The following TEKT1 variants were observed in gnomAD, a reference collection of about 807,000 sequenced individuals.
TEKT1 encodes the protein tektin 1, also known as tektin-1.
A neutral mutation model predicts 34.8 loss-of-function variants in TEKT1; 32 were observed. The observed-to-expected ratio is 0.92, with a 90% CI of 0.69 to 1.23. The LOEUF (loss-of-function observed/expected upper bound fraction) is 1.23, where lower values mean the gene tolerates loss of function less well. Among genes scored for constraint, TEKT1 ranks in the 50% most tolerant of loss-of-function variants. The pLI is 0.00. For synonymous variants in TEKT1, 207 were observed against 199.8 expected (o/e 1.04, Z -0.30); for missense variants, 492 against 518.5 (o/e 0.95, Z 0.50).
rs1304207167 is a variant in TEKT1 at position 6,820,168 on chromosome 17, T to C, written c.191-810A>G. 4.6e-5 allele frequency among the ~76,000 whole-genome samples: 7 copies of C among 152,322 alleles called. No homozygotes were observed. In the East Asian group the frequency reaches 1.3e-3, roughly 29 times the overall value. ...AAACAATAAATAAGTAAACTTACTA[T>C]TTATTTACATTTTGTAAATATATAA... On this transcript the variant is annotated intron_variant, in intron 2 of 7. Coordinates refer to ENST00000338694, the MANE Select transcript of TEKT1 (RefSeq NM_053285.2).
At chr17:6,804,897 A>G (rs1001448815) in intron 6 of TEKT1, among the ~76,000 whole-genome samples, 1 of 152,192 alleles carries the variant, frequency 6.6e-6, no homozygotes, top group Non-Finnish European at 1.5e-5. Flanking sequence ...ATCAATGTTC[A>G]TCAGGGATAT....
intron 2 of TEKT1, among the ~76,000 whole-genome samples, chr17:6,826,414 A>T (rs1008835277): frequency 6.6e-5 from 10 of 152,062 alleles, no homozygotes; most frequent in African/African-American, 2.4e-4. Context: ...CAGCCTTTTG[A>T]TGAGGTATTT....
intron 2 of TEKT1, among the ~76,000 whole-genome samples, chr17:6,822,018 G>A (rs146447740): frequency 6.3e-4 from 96 of 151,858 alleles, no homozygotes; most frequent in Middle Eastern, 3.4e-3. Flanking sequence ...TAATTGCCAA[G>A]ACAATGGGGA....
chr17:6,805,146 G>T (rs895133999), intron 6 of TEKT1, among the ~76,000 whole-genome samples: 1 of 152,164 alleles, frequency 6.6e-6, no homozygotes, highest in African/African-American at 2.4e-5. Flanking sequence ...TTCAGAGCCT[G>T]TTATTGGTCT....
chr17:6,826,637 TAGATA>T (rs1324002859), intron 2 of TEKT1, among the ~76,000 whole-genome samples: 3 of 151,392 alleles, frequency 2.0e-5, no homozygotes, highest in African/African-American at 7.3e-5. Flanking sequence ...GATAGATAGA[TAGATA>T]GATAGATAGA....
chr17:6,809,817 A>G (rs1976902307), intron 6 of TEKT1, among the ~76,000 whole-genome samples: 1 of 152,294 alleles, frequency 6.6e-6, no homozygotes, highest in African/African-American at 2.4e-5. Flanking sequence ...ATGTCTTTTC[A>G]TGGCTTGATA....
At chr17:6,821,500 A>G (rs1009637874) in intron 2 of TEKT1, among the ~76,000 whole-genome samples, 2 of 152,208 alleles carry the variant, frequency 1.3e-5, no homozygotes. Flanking sequence ...TTTCCTTTAT[A>G]AATTATCCAG....
rs1567676001 is a variant in TEKT1 at position 6,800,956 on chromosome 17, A to C, written c.853-13T>G. Reference sequence around the variant, plus strand: ...TCTCTTCCATGACCTTACAAAAAGGATTAGAGTAGGTGAGGCCAAGCTGTG... The same window carrying C: ...TCTCTTCCATGACCTTACAAAAAGGCTTAGAGTAGGTGAGGCCAAGCTGTG... On this transcript the variant is annotated splice_polypyrimidine_tract_variant and intron_variant, in intron 6 of 7. Coordinates refer to ENST00000338694, the MANE Select transcript of TEKT1 (RefSeq NM_053285.2). 1 of 1,607,736 alleles carries C rather than the reference A, an allele frequency of 6.2e-7. No individual in the cohort carries two copies. Among genetic ancestry groups the C allele is most frequent in the Non-Finnish European group, 8.5e-7 (1 of 1,176,352 alleles).
At chr17:6,801,800 T>C (rs1480212491) in intron 6 of TEKT1, among the ~76,000 whole-genome samples, 1 of 152,224 alleles carries the variant, frequency 6.6e-6, no homozygotes, top group Non-Finnish European at 1.5e-5. Context: ...TATTTCTTCA[T>C]TAAGCATTTT....
At chr17:6,800,964 A>G (rs1252598573) in intron 6 of TEKT1, 21 bp from the exon 7 acceptor site, 1 of 1,599,598 alleles carries the variant, frequency 6.3e-7, no homozygotes, top group East Asian at 2.2e-5. Context: ...GGATTAGAGT[A>G]GGTGAGGCCA....
At chr17:6,820,889 C>A (rs9904960) in intron 2 of TEKT1, among the ~76,000 whole-genome samples, 9,354 of 152,208 alleles carry the variant, frequency 0.061, 818 homozygotes, top group African/African-American at 0.19. Flanking sequence ...TTTTTGAAAA[C>A]CTGCAAGTCT....
intron 6 of TEKT1, among the ~76,000 whole-genome samples, chr17:6,809,730 G>A (rs1976900640): frequency 6.6e-6 from 1 of 152,042 alleles, no homozygotes; most frequent in Non-Finnish European, 1.5e-5. Flanking sequence ...CATATAGTTG[G>A]ACTTATGATT....
intron 2 of TEKT1, among the ~76,000 whole-genome samples, chr17:6,820,593 A>G (rs1310037330): frequency 1.3e-5 from 2 of 152,122 alleles, no homozygotes; most frequent in South Asian, 2.1e-4. Flanking sequence ...ATTTTTTCTC[A>G]ATATGCCCTC....
chr17:6,822,364 T>C (rs1249548564), intron 2 of TEKT1, among the ~76,000 whole-genome samples: 1 of 152,196 alleles, frequency 6.6e-6, no homozygotes, highest in East Asian at 1.9e-4. Context: ...CTCAAACTCC[T>C]GGTCTCAACT....
Position 6,799,997 on chromosome 17 carries a change from G to A in TEKT1, c.*30C>T. ...TACTGTAACTACTGTTTACAATGTG[G>A]TTTAATGAGAATTGGAACTAGCCCT... is the stretch of plus-strand genomic sequence containing the variant. On this transcript the variant is annotated 3_prime_UTR_variant, in exon 8 of 8. Coordinates refer to ENST00000338694, the MANE Select transcript of TEKT1 (RefSeq NM_053285.2). 1 of 1,587,132 alleles carries A rather than the reference G, an allele frequency of 6.3e-7. No individual in the cohort carries two copies. Among genetic ancestry groups the A allele is most frequent in the Non-Finnish European group, 8.5e-7 (1 of 1,172,486 alleles).
At chr17:6,816,031 C>T in intron 3 of TEKT1, 69 bp from the exon 4 acceptor site, 2 of 1,591,848 alleles carry the variant, frequency 1.3e-6, no homozygotes, top group South Asian at 2.3e-5. Context: ...TGGCTAATGG[C>T]TGCACACTCA....
chr17:6,820,146 CAATA>C (rs1224409185), intron 2 of TEKT1, among the ~76,000 whole-genome samples: 2 of 152,032 alleles, frequency 1.3e-5, no homozygotes, highest in African/African-American at 4.8e-5. Flanking sequence ...TTTTGTTAAA[CAATA>C]AATAAGTAAA....
intron 6 of TEKT1, among the ~76,000 whole-genome samples, chr17:6,810,718 A>G (rs1173343127): frequency 6.6e-6 from 1 of 152,122 alleles, no homozygotes; most frequent in Non-Finnish European, 1.5e-5. Flanking sequence ...ATCACCATAC[A>G]GTGACATCTT....
In TEKT1 at chr17:6,800,180, T is replaced by A; in HGVS notation, c.1104A>T (p.Arg368Ser). 1 of 1,614,208 alleles carries A rather than the reference T, an allele frequency of 6.2e-7. No individual in the cohort carries two copies. Among genetic ancestry groups the A allele is most frequent in the Non-Finnish European group, 8.5e-7 (1 of 1,180,034 alleles). The part of the protein sequence containing the change: ...AQAELKGLHR[R>S]QLALQEEIQV... Reference sequence around the variant, plus strand: ...GGATCTCCTCCTGCAGGGCAAGCTGTCTGCGATGCAGCCCTTTCAGCTCTG... The same window carrying A: ...GGATCTCCTCCTGCAGGGCAAGCTGACTGCGATGCAGCCCTTTCAGCTCTG... Residue 368 changes from arginine (R) to serine (S), a missense_variant, in exon 8 of 8, where the codon AGA becomes AGT. Transcript: ENST00000338694.
Sources: gnomAD v4.1 joint callset for allele counts (sites outside exome capture counted in the v4.1 genomes callset) on GRCh38, gnomAD v4.1.1 for gene constraint, MANE v1.5 for transcripts, NCBI Gene and HGNC (gene_info 2026-07-23, HGNC 2026-07-21) for gene names.